The following ZGPAT variants were observed in gnomAD, a reference collection of about 807,000 sequenced individuals.
ZGPAT encodes the protein zinc finger CCCH-type with G patch domain-containing protein.
Under a neutral mutation model 47.9 loss-of-function variants are expected in ZGPAT, and 39 were observed. The ratio of observed to expected loss-of-function variants is 0.81; its 90% confidence interval spans 0.63 to 1.06. The LOEUF (loss-of-function observed/expected upper bound fraction) is 1.06. Ranked by LOEUF, ZGPAT falls within the 50% of genes least tolerant of loss-of-function variation. The pLI is 0.00. For missense variants in ZGPAT, 717 were observed against 681.4 expected, an observed-to-expected ratio of 1.05 and a Z score of -0.58; for synonymous variants, 348 against 292.9, an observed-to-expected ratio of 1.19 and a Z score of -1.92.
chr20:63,708,879 G>A lies in ZGPAT; in HGVS notation c.299G>A (p.Gly100Glu). ...GCACCAGCAGCGGCCCGTGGGTCCG[G>A]ATCAGAGACCGTTCCTAAAGCAGAG... ...VEAPAAARGS[G>E]SETVPKAEAG... Residue 100 changes from glycine (G) to glutamate (E), a missense_variant, in exon 2 of 7, where the codon GGA (glycine) becomes GAA (glutamate). Physicochemically the swap from Gly to Glu is moderately conservative, Grantham distance 98 (BLOSUM62 -2). Transcript: ENST00000355969. The A allele has an allele frequency of 6.2e-7, 1 of 1,611,492 alleles. No homozygotes were observed. The highest frequency in any genetic ancestry group is 1.1e-5 in the South Asian group (1 of 90,760).
chr20:63,719,652 C>A (rs550746955), intron 2 of ZGPAT, among the ~76,000 whole-genome samples: 1 of 151,652 alleles, frequency 6.6e-6, no homozygotes, highest in South Asian at 2.1e-4. Context: ...TACTAGTATT[C>A]TCTATTTGGT....
Position 63,734,840 on chromosome 20 carries a change from C to G in ZGPAT, c.991+16C>G. ...TTTGGCAAGGGTGAGTACAAGCTGC[C>G]CTGGAGAAGTGGGCAGGCTGCTGCA... is the stretch of plus-strand genomic sequence containing the variant. On this transcript the variant is annotated intron_variant, in intron 5 of 6. Transcript: ENST00000355969. 1.3e-6 allele frequency: 2 copies of G among 1,563,248 alleles called. No homozygotes were observed. Among genetic ancestry groups the G allele is most frequent in the South Asian group, 1.2e-5 (1 of 83,058 alleles).
At chr20:63,707,496 C>G (rs533239386), upstream of ZGPAT, 371 of 168,930 alleles carry the variant, frequency 2.2e-3, 2 homozygotes, top group African/African-American at 8.5e-3. Context: ...GAGCGCCAGC[C>G]CCGCGCCCCA....
intron 2 of ZGPAT, among the ~76,000 whole-genome samples, chr20:63,730,964 CTCTCTCTGTG>C (rs2091894353): frequency 6.8e-5 from 6 of 87,640 alleles, no homozygotes; most frequent in African/African-American, 3.5e-4. Context: ...CTCTCTCTCT[CTCTCTCTGTG>C]TGTGTGTGTG....
At chr20:63,731,273 C>CTG (rs1003981322) in intron 2 of ZGPAT, among the ~76,000 whole-genome samples, 1 of 149,460 alleles carries the variant, frequency 6.7e-6, no homozygotes, top group African/African-American at 2.4e-5. Context: ...ATGCGGGTGT[C>CTG]TGTGTGTGTG....
intron 2 of ZGPAT, among the ~76,000 whole-genome samples, chr20:63,726,684 G>A (rs1360229021): frequency 6.7e-6 from 1 of 149,518 alleles, no homozygotes; most frequent in Non-Finnish European, 1.5e-5. Flanking sequence ...CACCACACCT[G>A]GCTAAATAAT....
chr20:63,708,001 T>TCCGCGCTCCGCTTCCCGGCTGCCC, upstream of ZGPAT: 1 of 152,044 alleles, frequency 6.6e-6, no homozygotes, highest in East Asian at 1.9e-4. Context: ...CCCAGCGGCC[T>TCCGCGCTCCGCTTCCCGGCTGCCC]CCGCGCTCCG....
chr20:63,728,037 CTT>C (rs11483917), intron 2 of ZGPAT, among the ~76,000 whole-genome samples: 16 of 133,244 alleles, frequency 1.2e-4, no homozygotes, highest in Non-Finnish European at 1.1e-4. Flanking sequence ...TTTTTAAATT[CTT>C]TTTTTTTTTT....
chr20:63,734,207 C>T lies in ZGPAT; in HGVS notation c.871+468C>T, dbSNP rs1012598441. ...AGCTCTCCAGAGGGGTGTGTGTATG[C>T]GTGTGCGTGTGTGTGTATATATGTG... is the stretch of plus-strand genomic sequence containing the variant. On this transcript the variant is annotated intron_variant, in intron 4 of 6. Coordinates refer to ENST00000355969, the MANE Select transcript of ZGPAT (RefSeq NM_181485.3). The T allele has an allele frequency of 4.0e-5, 10 of 251,902 alleles. No individual in the cohort carries two copies. The East Asian group carries it at 4.4e-4, about 11-fold the overall frequency. The allele number at this position is 251,902 out of a possible 1,614,324, so 15.6% of individuals were successfully genotyped here.
intron 2 of ZGPAT, among the ~76,000 whole-genome samples, chr20:63,711,342 CTG>C (rs2091665673): frequency 6.6e-6 from 1 of 152,196 alleles, no homozygotes; most frequent in South Asian, 2.1e-4. Context: ...TTTCATTCAT[CTG>C]TGCAACAGCC....
intron 2 of ZGPAT, among the ~76,000 whole-genome samples, chr20:63,731,612 G>A (rs569753524): frequency 6.8e-6 from 1 of 146,264 alleles, no homozygotes; most frequent in African/African-American, 2.5e-5. Flanking sequence ...GTTGGCCCTT[G>A]GTGTGTGTGT....
In ZGPAT at chr20:63,734,739, C is replaced by G. The variant is rs756844838; in HGVS notation, c.906C>G (p.Cys302Trp). ...VGSDAVDSGT[C>W]SSAFAGWEVH... The stretch of plus-strand genomic sequence containing the variant: ...CAGATGCTGTGGACTCTGGGACCTG[C>G]AGCTCTGCCTTTGCTGGCTGGGAGG... Residue 302 changes from cysteine to tryptophan, a missense_variant, in exon 5 of 7, where the codon TGC becomes TGG. Transcript: ENST00000355969. 1 of 1,614,060 alleles carries G rather than the reference C, an allele frequency of 6.2e-7. No individual in the cohort carries two copies. The highest frequency in any genetic ancestry group is 2.2e-5 in the East Asian group (1 of 44,882).
chr20:63,732,419 GGTGA>G (rs1001193555), intron 2 of ZGPAT, among the ~76,000 whole-genome samples: 1 of 131,384 alleles, frequency 7.6e-6, no homozygotes, highest in Non-Finnish European at 1.6e-5. Context: ...CGTGTGTGTG[GGTGA>G]GAGATGTGTG....
chr20:63,730,627 G>C (rs1022214082), intron 2 of ZGPAT, among the ~76,000 whole-genome samples: 1 of 152,154 alleles, frequency 6.6e-6, no homozygotes, highest in Non-Finnish European at 1.5e-5. Context: ...TGGGACTATA[G>C]GCACGCGCCA....
intron 2 of ZGPAT, among the ~76,000 whole-genome samples, chr20:63,723,220 G>C (rs7267230): frequency 0.015 from 1,335 of 89,988 alleles, 6 homozygotes; most frequent in Admixed American, 0.019. Context: ...CCCTTCTCCT[G>C]TGTCATAGCT....
At chr20:63,720,690 G>T (rs148614770) in intron 2 of ZGPAT, among the ~76,000 whole-genome samples, 1 of 150,802 alleles carries the variant, frequency 6.6e-6, no homozygotes, top group Non-Finnish European at 1.5e-5. Flanking sequence ...CTGGGCTCAA[G>T]CAGTCATCCC....
intron 2 of ZGPAT, among the ~76,000 whole-genome samples, chr20:63,724,363 T>TGAAAAAA (rs375122843): frequency 4.0e-5 from 5 of 124,662 alleles, no homozygotes; most frequent in Admixed American, 8.3e-5. Flanking sequence ...AGACTCTGCC[T>TGAAAAAA]AAAAAAAAAA....
intron 2 of ZGPAT, among the ~76,000 whole-genome samples, chr20:63,710,652 C>T (rs978669605): frequency 6.6e-6 from 1 of 152,102 alleles, no homozygotes; most frequent in African/African-American, 2.4e-5. Flanking sequence ...CATTTTAAAG[C>T]AAATTCCAGA....
intron 4 of ZGPAT, 199 bp from the exon 5 acceptor site, chr20:63,734,506 C>T: frequency 1.9e-6 from 2 of 1,048,208 alleles, no homozygotes; most frequent in South Asian, 1.6e-5. Flanking sequence ...CCACAGCAGC[C>T]TCGGTGACGA....
Sources: gnomAD v4.1 joint callset for allele counts (sites outside exome capture counted in the v4.1 genomes callset) on GRCh38, gnomAD v4.1.1 for gene constraint, MANE v1.5 for transcripts, NCBI Gene and HGNC (gene_info 2026-07-23, HGNC 2026-07-21) for gene names.